LINGO2: variants seen among roughly 807,000 people sequenced by gnomAD.
LINGO2 encodes leucine rich repeat and Ig domain containing 2, also known as leucine-rich repeat and immunoglobulin-like domain-containing nogo receptor-interacting protein 2.
A neutral mutation model predicts 30.6 loss-of-function variants in LINGO2; 14 were observed. The ratio of observed to expected loss-of-function variants is 0.46; its 90% CI spans 0.30 to 0.72. The LOEUF (loss-of-function observed/expected upper bound fraction) is 0.72, where lower values mean the gene tolerates loss of function less well. LINGO2 is among the 30% of genes least tolerant of loss of function. LINGO2 has a pLI of 0.07. For missense variants in LINGO2, 729 were observed against 751.7 expected, an observed-to-expected ratio of 0.97 and a Z score of 0.35; for synonymous variants, 317 against 288.5, an observed-to-expected ratio of 1.10 and a Z score of -1.00.
chr9:28,203,050 C>T (rs1451686375), intron 4 of LINGO2, among the ~76,000 whole-genome samples: 1 of 151,962 alleles, frequency 6.6e-6, no homozygotes, highest in Admixed American at 6.5e-5. Context: ...AATTTTAAAA[C>T]AAAAAGCAGG....
intron 4 of LINGO2, among the ~76,000 whole-genome samples, chr9:28,227,137 T>C (rs1445165664): frequency 2.0e-5 from 3 of 152,230 alleles, no homozygotes; most frequent in South Asian, 2.1e-4. Flanking sequence ...GCCATTATTA[T>C]TATATGATAT....
intron 4 of LINGO2, among the ~76,000 whole-genome samples, chr9:28,198,010 A>G (rs1203592956): frequency 1.3e-5 from 2 of 152,094 alleles, no homozygotes; most frequent in Non-Finnish European, 2.9e-5. Flanking sequence ...AACACATTAC[A>G]TAAATGGGAG....
intron 2 of LINGO2, among the ~76,000 whole-genome samples, chr9:28,412,094 C>T (rs2134819956): frequency 6.6e-6 from 1 of 151,318 alleles, no homozygotes; most frequent in East Asian, 2.0e-4. Context: ...CAGCCCACTT[C>T]TCCCTCCCCT....
At chr9:29,209,846 A>G in the LINGO2 span, among the ~76,000 whole-genome samples, 1 of 152,150 alleles carries the variant, frequency 6.6e-6, no homozygotes, top group Non-Finnish European at 1.5e-5. Flanking sequence ...ATAAATTGAG[A>G]AAATGGATTT....
chr9:28,888,036 G>C, the LINGO2 span, among the ~76,000 whole-genome samples: 4 of 152,112 alleles, frequency 2.6e-5, no homozygotes, highest in Admixed American at 1.3e-4. Flanking sequence ...AACACTGAGA[G>C]GAACTTTATC....
chr9:29,056,500 T>A, the LINGO2 span, among the ~76,000 whole-genome samples: 205 of 152,316 alleles, frequency 1.3e-3, 1 homozygote, highest in African/African-American at 4.7e-3. Context: ...TAGTCCTTCA[T>A]CAGATGCACA....
chr9:29,139,845 C>A, the LINGO2 span, among the ~76,000 whole-genome samples: 1 of 151,886 alleles, frequency 6.6e-6, no homozygotes, highest in African/African-American at 2.4e-5. Flanking sequence ...TTCTGTCTTG[C>A]CTGTGTGAGA....
At chr9:28,006,422 T>A (rs765282069) in intron 5 of LINGO2, among the ~76,000 whole-genome samples, 1 of 152,134 alleles carries the variant, frequency 6.6e-6, no homozygotes, top group Admixed American at 6.6e-5. Flanking sequence ...GGGATTGAAA[T>A]AATTTATACA....
intron 5 of LINGO2, among the ~76,000 whole-genome samples, chr9:28,000,114 C>A (rs1363704778): frequency 6.6e-6 from 1 of 152,146 alleles, no homozygotes; most frequent in Non-Finnish European, 1.5e-5. Context: ...AAAGACTAGA[C>A]ACGAGTGAAG....
intron 2 of LINGO2, among the ~76,000 whole-genome samples, chr9:28,388,972 T>A (rs1223055767): frequency 6.6e-6 from 1 of 152,172 alleles, no homozygotes; most frequent in Non-Finnish European, 1.5e-5. Flanking sequence ...GAGAACCTAC[T>A]TGTGGTTACT....
chr9:28,769,710 G>A, the LINGO2 span, among the ~76,000 whole-genome samples: 1 of 139,762 alleles, frequency 7.2e-6, no homozygotes, highest in Admixed American at 7.1e-5. Flanking sequence ...ATTTTTATTT[G>A]TTCTGTTCTT....
chr9:28,767,784 T>A, the LINGO2 span, among the ~76,000 whole-genome samples: 2 of 36,774 alleles, frequency 5.4e-5, no homozygotes, highest in South Asian at 8.8e-4. Flanking sequence ...AGACTCCATT[T>A]CAAAAAAAAA....
chr9:28,827,664 A>G, the LINGO2 span, among the ~76,000 whole-genome samples: 1 of 152,308 alleles, frequency 6.6e-6, no homozygotes, highest in East Asian at 1.9e-4. Flanking sequence ...GTTGGGAAGC[A>G]TATTTGGAAT....
At chr9:27,966,044 T>C (rs12000503) in intron 5 of LINGO2, among the ~76,000 whole-genome samples, 5,728 of 152,166 alleles carry the variant, frequency 0.038, 346 homozygotes, top group African/African-American at 0.13. Context: ...TGTGATCGTG[T>C]ACATAAAGTC....
intron 5 of LINGO2, among the ~76,000 whole-genome samples, chr9:27,951,472 G>A (rs901351353): frequency 6.6e-6 from 1 of 152,054 alleles, no homozygotes; most frequent in Non-Finnish European, 1.5e-5. Flanking sequence ...TAAATATTGA[G>A]GAATGGGAAG....
Position 28,285,398 on chromosome 9 carries a change from ATT to A in LINGO2, c.-87+9808_-87+9809del, listed in dbSNP as rs34034595. Reference sequence around the variant, plus strand: ...CTGAGAGGACACGTTGCCCAAGATCATTTTTTTTTTTTTTTTTTTTTTTTTGA... The same window carrying A: ...CTGAGAGGACACGTTGCCCAAGATCATTTTTTTTTTTTTTTTTTTTTTTGA... On this transcript the variant is annotated intron_variant, in intron 4 of 5. Coordinates refer to ENST00000379992, the Ensembl canonical transcript of LINGO2. Among the ~76,000 whole-genome samples, 323 of 76,158 alleles carry A rather than the reference ATT, an allele frequency of 4.2e-3. 2 individuals carry two copies. Among genetic ancestry groups the A allele is most frequent in the African/African-American group, 0.016 (296 of 18,944 alleles). 50.0% of individuals were successfully genotyped at this position (76,158 alleles called of 152,430 possible).
chr9:28,032,187 A>T (rs902942322), intron 4 of LINGO2, among the ~76,000 whole-genome samples: 3 of 151,836 alleles, frequency 2.0e-5, no homozygotes, highest in African/African-American at 7.3e-5. Context: ...AATTCCACAC[A>T]GGATCTAATT....
chr9:27,990,449 C>T (rs1231141899), intron 5 of LINGO2, among the ~76,000 whole-genome samples: 1 of 127,692 alleles, frequency 7.8e-6, no homozygotes, highest in Non-Finnish European at 1.6e-5. Context: ...AGCATCACTT[C>T]AGTGGTCTCA....
intron 2 of LINGO2, among the ~76,000 whole-genome samples, chr9:28,424,035 G>A (rs1823309109): frequency 6.6e-6 from 1 of 151,950 alleles, no homozygotes; most frequent in South Asian, 2.1e-4. Context: ...GGTATTATGG[G>A]CTCATGCCAC....
Sources: allele counts gnomAD v4.1 joint callset (sites outside exome capture counted in the v4.1 genomes callset), GRCh38; gene constraint gnomAD v4.1.1; transcripts MANE v1.5; gene names NCBI Gene and HGNC (gene_info 2026-07-23, HGNC 2026-07-21).